Variants in FUNDC2 observed in about 807,000 individuals in gnomAD.
FUNDC2 encodes the protein FUN14 domain-containing protein 2.
FUNDC2 carries 4 observed loss-of-function variants against 15.6 expected under a neutral mutation model. The ratio of observed to expected loss-of-function variants is 0.26; its 90% CI spans 0.13 to 0.59. FUNDC2 has a LOEUF of 0.59. FUNDC2 is among the 20% of genes least tolerant of loss of function. The probability of loss-of-function intolerance (pLI) is 0.90; values close to 1 mark genes in which losing one functional copy is unlikely to be tolerated. For missense variants in FUNDC2, 98 were observed against 149.7 expected, an observed-to-expected ratio of 0.65 and a Z score of 1.80; for synonymous variants, 44 against 56.9, an observed-to-expected ratio of 0.77 and a Z score of 1.02.
intron 2 of FUNDC2, among the ~76,000 whole-genome samples, 193 bp downstream of exon 2, chrX:155,033,746 C>G (rs1053543293): frequency 2.7e-5 from 3 of 112,174 alleles, no homozygotes; most frequent in Non-Finnish European, 3.8e-5. Context: ...TCCTATATGC[C>G]AGGTTCTGTT....
intron 3 of FUNDC2, among the ~76,000 whole-genome samples, chrX:155,046,894 GTGTGC>G (rs782360018): frequency 8.9e-6 from 1 of 112,256 alleles, no homozygotes; most frequent in Non-Finnish European, 1.9e-5. Flanking sequence ...AAAAATACAA[GTGTGC>G]TGTGATGATT....
At position 155,051,785 on chromosome X, in the gene FUNDC2, G is replaced by C. The variant is rs782613406; in HGVS notation, c.476G>C (p.Arg159Thr). The C allele has an allele frequency of 6.6e-6, 8 of 1,211,494 alleles. No homozygotes were observed. The East Asian group carries it at 2.1e-4, about 31-fold the overall frequency. Residue 159 changes from arginine (R) to threonine (T), a missense_variant, in exon 4 of 5, where the codon AGG becomes ACG. By Grantham distance (71) the Arg-to-Thr change is moderately conservative (BLOSUM62 -1). Coordinates refer to ENST00000369498, the MANE Select transcript of FUNDC2 (RefSeq NM_023934.4). ...RKSNQIPTEVRSKAEEVVSFV... is the reference protein window; with the variant it reads ...RKSNQIPTEVTSKAEEVVSFV... ...AGCAATCAGATACCTACTGAGGTCA[G>C]GAGCAAAGCTGAGGAGGTGAGACTT... is the stretch of plus-strand genomic sequence containing the variant.
intron 4 of FUNDC2, among the ~76,000 whole-genome samples, chrX:155,052,379 G>A (rs1457327515): frequency 8.9e-6 from 1 of 112,403 alleles, no homozygotes; most frequent in African/African-American, 3.2e-5. Context: ...GACAGGAGAA[G>A]TCCTTCCTTT....
chrX:155,050,377 T>G (rs2073876197), intron 3 of FUNDC2: 1 of 111,801 alleles, frequency 8.9e-6, no homozygotes, highest in Non-Finnish European at 1.9e-5. Context: ...GCCACCAGTT[T>G]GGTGGTGCTT....
At chrX:155,038,118 T>G (rs2073837307) in intron 2 of FUNDC2, among the ~76,000 whole-genome samples, 1 of 109,136 alleles carries the variant, frequency 9.2e-6, no homozygotes, top group Admixed American at 9.8e-5. Context: ...TCCCAGCTAC[T>G]TGGGAGGCTG....
At position 155,058,094 on chromosome X, in the gene FUNDC2, A is replaced by G. The variant is rs1347698495; in HGVS notation, c.*3422A>G. 9.0e-6 allele frequency: 1 copy of G among 111,482 alleles called. No homozygotes were observed. The highest frequency in any genetic ancestry group is 1.9e-5 in the Non-Finnish European group (1 of 53,126). 9.2% of individuals were successfully genotyped at this position (111,482 alleles called of 1,213,427 possible). On this transcript the variant is annotated 3_prime_UTR_variant, in exon 5 of 5. Transcript: ENST00000369498. Reference sequence around the variant, plus strand: ...TGTTTGTTGCAATCTCCCGCCACTCAGCCTCCAGACATTCATTAACAGGAC... The same window carrying G: ...TGTTTGTTGCAATCTCCCGCCACTCGGCCTCCAGACATTCATTAACAGGAC...
intron 2 of FUNDC2, 31 bp from the exon 3 acceptor site, chrX:155,046,478 C>G (rs370073530): frequency 1.0e-3 from 1,173 of 1,158,430 alleles, no homozygotes; most frequent in Non-Finnish European, 1.3e-3. Context: ...GACAGCTCAT[C>G]AATTTGTCTG....
At chrX:155,051,585 A>G in intron 3 of FUNDC2, 85 bp from the exon 4 acceptor site, 1 of 1,032,145 alleles carries the variant, frequency 9.7e-7, no homozygotes, top group African/African-American at 1.9e-5. Flanking sequence ...GAGGGTTTCG[A>G]GAGTCTACTT....
At chrX:155,035,554 T>G (rs781927879) in intron 2 of FUNDC2, among the ~76,000 whole-genome samples, 1 of 112,307 alleles carries the variant, frequency 8.9e-6, no homozygotes, top group African/African-American at 3.2e-5. Flanking sequence ...CCACGCTCTT[T>G]CCTTCATGCC....
intron 2 of FUNDC2, among the ~76,000 whole-genome samples, chrX:155,045,478 A>G (rs1386692644): frequency 8.9e-6 from 1 of 112,387 alleles, no homozygotes; most frequent in African/African-American, 3.2e-5. Context: ...AATATACACA[A>G]TAAAATACCT....
At chrX:155,035,756 C>T (rs1420425306) in intron 2 of FUNDC2, among the ~76,000 whole-genome samples, 2 of 112,335 alleles carry the variant, frequency 1.8e-5, no homozygotes, top group Non-Finnish European at 3.8e-5. Flanking sequence ...GATCTTGGCT[C>T]ACCGCCTCCT....
intron 2 of FUNDC2, among the ~76,000 whole-genome samples, chrX:155,039,674 C>G (rs781932157): frequency 8.9e-6 from 1 of 111,736 alleles, no homozygotes; most frequent in South Asian, 3.7e-4. Context: ...TATTTCTGGG[C>G]TCTCTATTCT....
At chrX:155,027,977 C>T (rs1262376273) in intron 1 of FUNDC2, among the ~76,000 whole-genome samples, 1 of 101,097 alleles carries the variant, frequency 9.9e-6, no homozygotes, top group East Asian at 2.9e-4. Context: ...ACCAGCACGC[C>T]GCTAAATTTT....
chrX:155,030,362 G>A (rs1201352584), intron 1 of FUNDC2, among the ~76,000 whole-genome samples: 1 of 61,535 alleles, frequency 1.6e-5, no homozygotes, highest in Non-Finnish European at 2.8e-5. Flanking sequence ...GAGACCTCCT[G>A]TCTACAAAAA....
At chrX:155,047,386 TG>T (rs2073865953) in intron 3 of FUNDC2, 1 of 340,995 alleles carries the variant, frequency 2.9e-6, no homozygotes, top group African/African-American at 2.7e-5. Context: ...CCCTCACTTT[TG>T]CAAGGTAAGT....
intron 1 of FUNDC2, among the ~76,000 whole-genome samples, chrX:155,029,442 G>C (rs1180095009): frequency 4.5e-5 from 5 of 111,992 alleles, no homozygotes; most frequent in African/African-American, 1.6e-4. Flanking sequence ...TTTAGAACCA[G>C]TTTGTCAATT....
At chrX:155,041,068 C>T (rs1408199978) in intron 2 of FUNDC2, among the ~76,000 whole-genome samples, 1 of 111,179 alleles carries the variant, frequency 9.0e-6, no homozygotes, top group Non-Finnish European at 1.9e-5. Context: ...TTTTTTGTTG[C>T]TTAGATCAAA....
chrX:155,050,334 G>A (rs2073875995), intron 3 of FUNDC2: 1 of 111,727 alleles, frequency 9.0e-6, no homozygotes, highest in South Asian at 3.7e-4. Flanking sequence ...TTGAGGTTAG[G>A]CCAGGCGATA....
Position 155,056,569 on chromosome X carries a change from G to C in FUNDC2, c.*1897G>C, listed in dbSNP as rs1476873232. 1 of 104,022 alleles carries C rather than the reference G, an allele frequency of 9.6e-6. No homozygotes were observed. Among genetic ancestry groups the C allele is most frequent in the Non-Finnish European group, 2.0e-5 (1 of 51,003 alleles). 8.6% of individuals were successfully genotyped at this position (104,022 alleles called of 1,213,427 possible). On this transcript the variant is annotated 3_prime_UTR_variant, in exon 5 of 5. Coordinates refer to ENST00000369498, the MANE Select transcript of FUNDC2 (RefSeq NM_023934.4). The stretch of plus-strand genomic sequence containing the variant: ...ATATATTTATATCTCTATATATATT[G>C]ATATAGACATATGTAGTGACACTGA...
Sources: allele counts gnomAD v4.1 joint callset (sites outside exome capture counted in the v4.1 genomes callset), GRCh38; gene constraint gnomAD v4.1.1; transcripts MANE v1.5; gene names NCBI Gene and HGNC (gene_info 2026-07-23, HGNC 2026-07-21).